ERICH6: variants seen among roughly 807,000 people sequenced by gnomAD.
The protein encoded by ERICH6 is glutamate-rich protein 6.
A neutral mutation model predicts 71.0 loss-of-function variants in ERICH6; 71 were observed. That is an observed-to-expected ratio of 1.00 (90% CI 0.83 to 1.22). ERICH6 has a LOEUF of 1.22. Ranked by LOEUF, ERICH6 falls within the 50% of genes most tolerant of loss-of-function variation. The pLI, the probability that ERICH6 is intolerant of heterozygous loss-of-function variation, is 0.00. For synonymous variants in ERICH6, 262 were observed against 278.4 expected, an observed-to-expected ratio of 0.94 and a Z score of 0.59; for missense variants, 808 against 797.2, an observed-to-expected ratio of 1.01 and a Z score of -0.16.
chr3:150,699,061 CT>C (rs1220144243), intron 2 of ERICH6, among the ~76,000 whole-genome samples, 179 bp from the exon 3 acceptor site: 2 of 152,002 alleles, frequency 1.3e-5, no homozygotes, highest in East Asian at 1.9e-4. Context: ...TGCATCAAAT[CT>C]TTTTTTGGGG....
chr3:150,660,205 T>C, intron 13 of ERICH6, 50 bp from the exon 14 acceptor site: 2 of 1,583,978 alleles, frequency 1.3e-6, no homozygotes, highest in Non-Finnish European at 1.7e-6. Context: ...GAAGTGGAAC[T>C]GGGGAGGTGG....
intron 11 of ERICH6, 110 bp downstream of exon 11, chr3:150,673,846 G>T (rs1157641168): frequency 1.1e-6 from 1 of 948,648 alleles, no homozygotes; most frequent in Non-Finnish European, 1.6e-6. Flanking sequence ...CTCCCAAAGT[G>T]CTGGCATTAC....
At chr3:150,672,051 A>G (rs1369867625) in intron 11 of ERICH6, among the ~76,000 whole-genome samples, 1 of 152,064 alleles carries the variant, frequency 6.6e-6, no homozygotes, top group East Asian at 1.9e-4. Flanking sequence ...TTGTTCAGTA[A>G]TAGGGGATAG....
intron 11 of ERICH6, among the ~76,000 whole-genome samples, chr3:150,670,889 A>G (rs1711499409): frequency 6.6e-6 from 1 of 152,194 alleles, no homozygotes; most frequent in Non-Finnish European, 1.5e-5. Flanking sequence ...CATTTTGCAA[A>G]TCAACCACAG....
intron 3 of ERICH6, among the ~76,000 whole-genome samples, chr3:150,687,183 A>G (rs2116682): frequency 0.4 from 61,620 of 152,184 alleles, 14,808 homozygotes; most frequent in Non-Finnish European, 0.52. Flanking sequence ...CTGCAATACC[A>G]CTACAGTCGA....
At chr3:150,670,936 G>A (rs1711499468) in intron 11 of ERICH6, among the ~76,000 whole-genome samples, 1 of 152,132 alleles carries the variant, frequency 6.6e-6, no homozygotes. Context: ...GTCAGGGCAT[G>A]AAATGATTAA....
chr3:150,666,580 A>G (rs1234575886), intron 13 of ERICH6, among the ~76,000 whole-genome samples: 1 of 152,184 alleles, frequency 6.6e-6, no homozygotes, highest in Non-Finnish European at 1.5e-5. Context: ...TCTGAGTCTG[A>G]ACTAAAAGGA....
At chr3:150,693,749 A>G (rs1315325551) in intron 3 of ERICH6, among the ~76,000 whole-genome samples, 2 of 152,246 alleles carry the variant, frequency 1.3e-5, no homozygotes, top group East Asian at 1.9e-4. Context: ...TTCAAAACCT[A>G]TAGTATACTT....
At chr3:150,691,117 T>C (rs1331925113) in intron 3 of ERICH6, among the ~76,000 whole-genome samples, 1 of 152,218 alleles carries the variant, frequency 6.6e-6, no homozygotes, top group East Asian at 1.9e-4. Flanking sequence ...TTTCACTGTC[T>C]CAGTTATAAT....
At position 150,661,074 on chromosome 3, in the gene ERICH6, C is replaced by G. The variant is rs575239835; in HGVS notation, c.1729-919G>C. Among the ~76,000 whole-genome samples, 50 of 152,284 alleles carry G rather than the reference C, an allele frequency of 3.3e-4. No homozygotes were observed. In the South Asian group the frequency reaches 0.01, roughly 32 times the overall value. On this transcript the variant is annotated intron_variant, in intron 13 of 13. Coordinates refer to ENST00000295910, the MANE Select transcript of ERICH6 (RefSeq NM_152394.5). ...TAATAAGAAAGATTTATCCCCCTGC[C>G]CCCACCTTGTTTCCAGCGGGGTTGG... is the stretch of plus-strand genomic sequence containing the variant.
chr3:150,679,782 C>T (rs1024731818), intron 9 of ERICH6, among the ~76,000 whole-genome samples: 5 of 152,200 alleles, frequency 3.3e-5, no homozygotes, highest in South Asian at 2.1e-4. Flanking sequence ...CTCAGCCTCC[C>T]GAGTAGCTGA....
At chr3:150,681,652 A>C (rs1421562784) in intron 7 of ERICH6, among the ~76,000 whole-genome samples, 1 of 152,158 alleles carries the variant, frequency 6.6e-6, no homozygotes, top group African/African-American at 2.4e-5. Flanking sequence ...ACCATTTTAT[A>C]TTCCACCTCA....
rs762660621 is a variant in ERICH6, at chr3:150,678,470, A to G, written c.1196T>C (p.Phe399Ser). Residue 399 changes from phenylalanine to serine, a missense_variant, in exon 10 of 14, where the codon TTT becomes TCT. Phe to Ser is a radical substitution (Grantham distance 155). Around this residue, in one of 3 missense-constraint regions of ERICH6, gnomAD observed 736 missense variants for 712.2 expected, o/e 1.03. Transcript: ENST00000295910. ...KQIIDDIVFD[F>S]QLRNSNMSII... ...AGACATGTTACTGTTTCTTAGTTGA[A>G]AATCAAATACAATGTCATCAATTAT... 2.7e-5 allele frequency: 44 copies of G among 1,605,136 alleles called. No homozygotes were observed. The highest frequency in any genetic ancestry group is 3.6e-5 in the Non-Finnish European group (42 of 1,177,726).
intron 2 of ERICH6, 32 bp from the exon 3 acceptor site, chr3:150,698,914 C>T: frequency 2.8e-6 from 4 of 1,437,410 alleles, no homozygotes; most frequent in Non-Finnish European, 2.9e-6. Context: ...TTTGAGTATA[C>T]CTATATAGTT....
At chr3:150,680,255 A>G (rs1054489365) in intron 9 of ERICH6, among the ~76,000 whole-genome samples, 3 of 152,210 alleles carry the variant, frequency 2.0e-5, no homozygotes, top group Admixed American at 2.0e-4. Context: ...TTTCATAGAG[A>G]CAGGATCTCA....
chr3:150,692,005 G>A (rs1421658917), intron 3 of ERICH6, among the ~76,000 whole-genome samples: 1 of 152,094 alleles, frequency 6.6e-6, no homozygotes, highest in Non-Finnish European at 1.5e-5. Flanking sequence ...GATTGTAAGA[G>A]CCAATTTTGA....
rs569824232 is a variant in ERICH6, at chr3:150,692,617, T to C, written c.553+6174A>G. Among the ~76,000 whole-genome samples the C allele has an allele frequency of 1.5e-4, 23 of 152,240 alleles. 1 individual carries two copies. The East Asian group carries it at 4.4e-3, about 29-fold the overall frequency. On this transcript the variant is annotated intron_variant, in intron 3 of 13. Transcript: ENST00000295910. Reference sequence around the variant, plus strand: ...GGCCTGTATTTGTATAAATATGTTATTAGTATGTGTTCTAAAATTATGGGA... The same window carrying C: ...GGCCTGTATTTGTATAAATATGTTACTAGTATGTGTTCTAAAATTATGGGA...
intron 3 of ERICH6, among the ~76,000 whole-genome samples, chr3:150,691,653 A>T (rs970945232): frequency 2.7e-4 from 41 of 152,174 alleles, no homozygotes; most frequent in Admixed American, 7.9e-4. Context: ...CTTTAAAAAA[A>T]CTTATATAAT....
At chr3:150,687,008 T>TA (rs1404695083) in intron 3 of ERICH6, among the ~76,000 whole-genome samples, 1 of 152,144 alleles carries the variant, frequency 6.6e-6, no homozygotes, top group African/African-American at 2.4e-5. Context: ...CTGTCTCTAC[T>TA]AAAAATACAA....
Sources: allele counts gnomAD v4.1 joint callset (sites outside exome capture counted in the v4.1 genomes callset), GRCh38; gene constraint gnomAD v4.1.1; regional missense constraint gnomAD v4.1.1; transcripts MANE v1.5; gene names NCBI Gene and HGNC (gene_info 2026-07-23, HGNC 2026-07-21).